Variants in PRKCA observed in about 807,000 individuals in gnomAD.
The protein encoded by PRKCA is protein kinase C alpha.
A neutral mutation model predicts 87.0 loss-of-function variants in PRKCA; 27 were observed. That is an observed-to-expected ratio of 0.31 (90% CI 0.23 to 0.43). PRKCA has a LOEUF of 0.43. Ranked by LOEUF, PRKCA falls within the 20% of genes least tolerant of loss-of-function variation. The pLI, the probability that PRKCA is intolerant of heterozygous loss-of-function variation, is 1.00. For synonymous variants in PRKCA, 329 were observed against 311.1 expected (o/e 1.06, Z -0.61); for missense variants, 518 against 852.3 (o/e 0.61, Z 4.88).
intron 3 of PRKCA, among the ~76,000 whole-genome samples, chr17:66,624,977 C>G (rs2016351881): frequency 6.6e-6 from 1 of 152,106 alleles, no homozygotes; most frequent in African/African-American, 2.4e-5. Flanking sequence ...GGATAAAATA[C>G]TTCCCTCATT....
chr17:66,525,539 C>T (rs1374185037), intron 3 of PRKCA, among the ~76,000 whole-genome samples: 2 of 152,088 alleles, frequency 1.3e-5, no homozygotes, highest in East Asian at 3.9e-4. Flanking sequence ...TTAGCGCTGG[C>T]ACGTGTGAGA....
rs543620955 is a variant in PRKCA at position 66,533,957 on chromosome 17, A to T, written c.288+37674A>T. ...GTTCGTAATGCCACAGTGTTTATGG[A>T]GCCCTGCCTTTTGGAGGAGTGGGAA... On this transcript the variant is annotated intron_variant, in intron 3 of 16. Coordinates refer to ENST00000413366, the MANE Select transcript of PRKCA (RefSeq NM_002737.3). 2.3e-3 allele frequency among the ~76,000 whole-genome samples: 356 copies of T among 152,078 alleles called. 2 individuals carry two copies. The highest frequency in any genetic ancestry group is 7.9e-3 in the African/African-American group (329 of 41,504).
chr17:66,727,538 G>A (rs1330982361), intron 8 of PRKCA, among the ~76,000 whole-genome samples: 2 of 152,146 alleles, frequency 1.3e-5, no homozygotes, highest in Non-Finnish European at 2.9e-5. Context: ...TAGCCAGCTT[G>A]GCCCACATCC....
intron 2 of PRKCA, among the ~76,000 whole-genome samples, chr17:66,378,451 T>C (rs536205298): frequency 6.6e-6 from 1 of 152,314 alleles, no homozygotes; most frequent in African/African-American, 2.4e-5. Flanking sequence ...TGAATGACTA[T>C]TAATACCATC....
rs186016261 is a variant in PRKCA at position 66,483,058 on chromosome 17, G to T, written c.206-13143G>T. Among the ~76,000 whole-genome samples, 598 of 152,268 alleles carry T rather than the reference G, an allele frequency of 3.9e-3. 1 individual carries two copies. Among genetic ancestry groups the T allele is most frequent in the Non-Finnish European group, 6.5e-3 (443 of 68,026 alleles). On this transcript the variant is annotated intron_variant, in intron 2 of 16. Coordinates refer to ENST00000413366, the MANE Select transcript of PRKCA (RefSeq NM_002737.3). ...TTAACAGACACAGATGTGCTGTCCC[G>T]TAGAGCTGTCGGGGAAGAATGCCTT...
At chr17:66,727,989 C>G (rs577324390) in intron 8 of PRKCA, among the ~76,000 whole-genome samples, 4 of 152,196 alleles carry the variant, frequency 2.6e-5, no homozygotes, top group South Asian at 2.1e-4. Context: ...TAGACCCAGA[C>G]TGAAAGTGGG....
chr17:66,518,796 C>G (rs1259615097), intron 3 of PRKCA, among the ~76,000 whole-genome samples: 1 of 152,182 alleles, frequency 6.6e-6, no homozygotes, highest in South Asian at 2.1e-4. Context: ...TTCTAAAAAG[C>G]CTTTTTGTAC....
intron 3 of PRKCA, among the ~76,000 whole-genome samples, chr17:66,530,829 T>C (rs1035186498): frequency 4.0e-5 from 6 of 151,846 alleles, no homozygotes; most frequent in Middle Eastern, 3.4e-3. Flanking sequence ...TCAGAGGTGG[T>C]AATATTGGGG....
intron 2 of PRKCA, among the ~76,000 whole-genome samples, chr17:66,392,095 TGGC>T (rs1283970211): frequency 6.6e-6 from 1 of 152,036 alleles, no homozygotes; most frequent in East Asian, 1.9e-4. Flanking sequence ...CCGGGTGTGA[TGGC>T]GAGCGCCTGT....
chr17:66,503,960 A>G (rs1243672758), intron 3 of PRKCA, among the ~76,000 whole-genome samples: 1 of 152,212 alleles, frequency 6.6e-6, no homozygotes, highest in East Asian at 1.9e-4. Context: ...TTAGATTTGC[A>G]TGAGGTACAG....
intron 2 of PRKCA, among the ~76,000 whole-genome samples, chr17:66,476,988 G>A (rs183892365): frequency 3.3e-5 from 5 of 152,252 alleles, no homozygotes; most frequent in East Asian, 3.9e-4. Flanking sequence ...TTTTAGAGTC[G>A]GAAACAGTTG....
At chr17:66,754,162 A>G (rs146791252) in intron 13 of PRKCA, among the ~76,000 whole-genome samples, 2 of 152,148 alleles carry the variant, frequency 1.3e-5, no homozygotes, top group African/African-American at 4.8e-5. Flanking sequence ...CAAGTAGATT[A>G]TGTTATAAAG....
At chr17:66,444,338 C>T (rs1384558974) in intron 2 of PRKCA, among the ~76,000 whole-genome samples, 2 of 152,166 alleles carry the variant, frequency 1.3e-5, no homozygotes, top group Non-Finnish European at 2.9e-5. Context: ...TGTGTGCTTT[C>T]ATAGTTCAAC....
chr17:66,424,374 GA>G (rs1912664101), intron 2 of PRKCA, among the ~76,000 whole-genome samples: 1 of 152,070 alleles, frequency 6.6e-6, no homozygotes, highest in African/African-American at 2.4e-5. Flanking sequence ...AGGAGTTCAA[GA>G]CCAGCCTGGG....
At chr17:66,767,302 A>G (rs1974832866) in intron 13 of PRKCA, among the ~76,000 whole-genome samples, 1 of 152,210 alleles carries the variant, frequency 6.6e-6, no homozygotes, top group Non-Finnish European at 1.5e-5. Flanking sequence ...TTATTTGAGG[A>G]CCTGCTGTAT....
At chr17:66,588,635 CTTTTTTTTTTT>C (rs397856363) in intron 3 of PRKCA, among the ~76,000 whole-genome samples, 59 of 39,108 alleles carry the variant, frequency 1.5e-3, no homozygotes, top group African/African-American at 5.4e-3. Flanking sequence ...TTTTGCTTTG[CTTTTTTTTTTT>C]TTTTTTTTTT....
Position 66,798,407 on chromosome 17 carries a change from ATGGTGATGG to A in PRKCA, c.1855-5460_1855-5452del, listed in dbSNP as rs1219058335. On this transcript the variant is annotated intron_variant, in intron 16 of 16. Coordinates refer to ENST00000413366, the MANE Select transcript of PRKCA (RefSeq NM_002737.3). ...GGTGGTGGTGGTGGTGGTGGTGGTG[ATGGTGATGG>A]TGGTGGTGGTGGTGGTGACGGTGGT... is the stretch of plus-strand genomic sequence containing the variant. 1.9e-3 allele frequency among the ~76,000 whole-genome samples: 92 copies of A among 47,536 alleles called. 2 individuals are homozygous for A. The highest frequency in any genetic ancestry group is 2.8e-3 in the Admixed American group (11 of 3,988). 31.2% of individuals were successfully genotyped at this position (47,536 alleles called of 152,430 possible).
chr17:66,581,415 C>T (rs1335456167), intron 3 of PRKCA, among the ~76,000 whole-genome samples: 1 of 152,148 alleles, frequency 6.6e-6, no homozygotes, highest in East Asian at 1.9e-4. Flanking sequence ...ATTATTCTTC[C>T]AACTTTTTAA....
chr17:66,348,389 T>TGAC (rs1907539381), intron 2 of PRKCA, among the ~76,000 whole-genome samples: 1 of 152,136 alleles, frequency 6.6e-6, no homozygotes, highest in African/African-American at 2.4e-5. Flanking sequence ...CAGGCTAAGG[T>TGAC]TCCTGCTGTC....
Sources: allele counts gnomAD v4.1 joint callset (sites outside exome capture counted in the v4.1 genomes callset), GRCh38; gene constraint gnomAD v4.1.1; transcripts MANE v1.5; gene names NCBI Gene and HGNC (gene_info 2026-07-23, HGNC 2026-07-21).